Variants in GRHL2 observed in about 807,000 individuals in gnomAD.
GRHL2 encodes the protein grainyhead like transcription factor 2.
A neutral mutation model predicts 83.8 loss-of-function variants in GRHL2; 21 were observed. The observed-to-expected ratio is 0.25, with a 90% CI of 0.18 to 0.36. The LOEUF is 0.36. GRHL2 is among the 10% of genes least tolerant of loss of function. The pLI, the probability that GRHL2 is intolerant of heterozygous loss-of-function variation, is 1.00. For missense variants in GRHL2, 623 were observed against 781.8 expected (o/e 0.80, Z 2.42); for synonymous variants, 280 against 278.9 (o/e 1.00, Z -0.04).
intron 14 of GRHL2, among the ~76,000 whole-genome samples, chr8:101,657,069 C>CTAA (rs1296136352): frequency 0.014 from 2,182 of 152,322 alleles, 55 homozygotes; most frequent in African/African-American, 0.05. Context: ...TTTTGTCCAA[C>CTAA]TGTGTCATTC....
At chr8:101,602,483 C>T (rs1024691110) in intron 8 of GRHL2, among the ~76,000 whole-genome samples, 1 of 152,158 alleles carries the variant, frequency 6.6e-6, no homozygotes, top group Non-Finnish European at 1.5e-5. Flanking sequence ...AACCTGTGGC[C>T]TACAGCCTTT....
intron 1 of GRHL2, among the ~76,000 whole-genome samples, chr8:101,496,135 G>A (rs892521227): frequency 1.2e-4 from 16 of 131,330 alleles, no homozygotes; most frequent in African/African-American, 4.2e-4. Context: ...GTGACAGTGC[G>A]AGACTCCATC....
chr8:101,572,254 T>C (rs1471685557), intron 5 of GRHL2, among the ~76,000 whole-genome samples: 1 of 152,220 alleles, frequency 6.6e-6, no homozygotes, highest in Non-Finnish European at 1.5e-5. Context: ...GATTCAATGG[T>C]ACTGTGTTGA....
chr8:101,586,156 T>A (rs988047504), intron 7 of GRHL2, among the ~76,000 whole-genome samples: 2 of 146,052 alleles, frequency 1.4e-5, no homozygotes, highest in Non-Finnish European at 3.0e-5. Context: ...CTCGGCTCAC[T>A]GCAAGCTCCG....
intron 4 of GRHL2, among the ~76,000 whole-genome samples, chr8:101,567,369 T>C (rs1333447895): frequency 6.6e-6 from 1 of 152,200 alleles, no homozygotes; most frequent in Non-Finnish European, 1.5e-5. Context: ...TTAATAGGTC[T>C]CCGAGCAACT....
chr8:101,609,894 A>T (rs974870930), intron 8 of GRHL2, among the ~76,000 whole-genome samples: 2 of 151,072 alleles, frequency 1.3e-5, no homozygotes, highest in Non-Finnish European at 2.9e-5. Flanking sequence ...GGTGTTAAAA[A>T]CTCAAAACAA....
chr8:101,592,808 A>G (rs908572172), intron 7 of GRHL2, among the ~76,000 whole-genome samples: 5 of 152,202 alleles, frequency 3.3e-5, no homozygotes, highest in African/African-American at 1.2e-4. Flanking sequence ...TCACTCTGAG[A>G]TTCCAAGGAC....
chr8:101,667,504 T>G lies in GRHL2; in HGVS notation c.*801T>G, dbSNP rs578208889. On this transcript the variant is annotated 3_prime_UTR_variant, in exon 16 of 16. Coordinates refer to ENST00000646743, the MANE Select transcript of GRHL2 (RefSeq NM_024915.4). ...AGGGCTAGGTAGAGGGCCTTTGGGA[T>G]GTTAAGGTGACTGCAGCTGATGCCA... 2.6e-5 allele frequency: 4 copies of G among 152,792 alleles called. No homozygotes were observed. Among genetic ancestry groups the G allele is most frequent in the African/African-American group, 9.6e-5 (4 of 41,564 alleles). The allele number at this position is 152,792 out of a possible 1,614,324, so 9.5% of individuals were successfully genotyped here.
At chr8:101,552,215 C>T (rs887580161) in intron 2 of GRHL2, among the ~76,000 whole-genome samples, 2 of 152,188 alleles carry the variant, frequency 1.3e-5, no homozygotes, top group East Asian at 1.9e-4. Flanking sequence ...CTGGATGCTT[C>T]CCCCAGCTAC....
intron 1 of GRHL2, among the ~76,000 whole-genome samples, chr8:101,505,138 A>G (rs75286086): frequency 0.011 from 1,696 of 152,274 alleles, 34 homozygotes; most frequent in African/African-American, 0.038. Context: ...CGTGTGCTCA[A>G]AAGTGAATTT....
intron 14 of GRHL2, among the ~76,000 whole-genome samples, chr8:101,659,144 T>C (rs1463488019): frequency 6.6e-6 from 1 of 152,200 alleles, no homozygotes; most frequent in Non-Finnish European, 1.5e-5. Context: ...AAATATGATC[T>C]ATGGGTGAGA....
At chr8:101,592,225 C>T (rs1019430075) in intron 7 of GRHL2, among the ~76,000 whole-genome samples, 1 of 151,216 alleles carries the variant, frequency 6.6e-6, no homozygotes, top group African/African-American at 2.4e-5. Flanking sequence ...CTGCCTCAGC[C>T]TCCTGCATAG....
At chr8:101,607,810 T>C (rs1278775647) in intron 8 of GRHL2, among the ~76,000 whole-genome samples, 1 of 152,196 alleles carries the variant, frequency 6.6e-6, no homozygotes. Context: ...AACAAAGCCA[T>C]GCCTTTGTTC....
intron 9 of GRHL2, among the ~76,000 whole-genome samples, chr8:101,620,471 A>G (rs761127008): frequency 1.3e-5 from 2 of 152,220 alleles, no homozygotes; most frequent in Non-Finnish European, 2.9e-5. Context: ...TTGGAATGGA[A>G]ATAGCACTTA....
chr8:101,642,086 T>C (rs927651922), intron 12 of GRHL2, among the ~76,000 whole-genome samples: 2 of 152,194 alleles, frequency 1.3e-5, no homozygotes, highest in Admixed American at 1.3e-4. Context: ...GGGCTGCAGT[T>C]GGACTGGGCA....
chr8:101,492,952 CTGAT>C (rs1809996395), intron 1 of GRHL2, 163 bp downstream of exon 1: 1 of 707,990 alleles, frequency 1.4e-6, no homozygotes, highest in Non-Finnish European at 2.6e-6. Context: ...TGTTTCTACC[CTGAT>C]TAAGGGGAGA....
chr8:101,613,245 A>C (rs532496516), intron 8 of GRHL2, among the ~76,000 whole-genome samples: 1 of 151,126 alleles, frequency 6.6e-6, no homozygotes, highest in South Asian at 2.1e-4. Context: ...CCAAGCATGC[A>C]TCTGCGTGTA....
At chr8:101,509,166 CT>C (rs1362008310) in intron 1 of GRHL2, among the ~76,000 whole-genome samples, 1 of 91,544 alleles carries the variant, frequency 1.1e-5, no homozygotes, top group Admixed American at 1.1e-4. Flanking sequence ...TCCTTTCTTT[CT>C]TTCTTTTTCT....
chr8:101,606,016 T>C (rs1210464357), intron 8 of GRHL2, among the ~76,000 whole-genome samples: 2 of 152,214 alleles, frequency 1.3e-5, no homozygotes, highest in African/African-American at 2.4e-5. Context: ...AATTCCTTGT[T>C]CTTTTTTTGA....
Sources: gnomAD v4.1 joint callset for allele counts (sites outside exome capture counted in the v4.1 genomes callset) on GRCh38, gnomAD v4.1.1 for gene constraint, MANE v1.5 for transcripts, NCBI Gene and HGNC (gene_info 2026-07-23, HGNC 2026-07-21) for gene names.